Variants in FMO1 observed in about 807,000 individuals in gnomAD.
The protein encoded by FMO1 is flavin-containing monooxygenase 1.
A neutral mutation model predicts 45.4 loss-of-function variants in FMO1; 36 were observed. The observed-to-expected ratio is 0.79, with a 90% CI of 0.61 to 1.05. The LOEUF is 1.05. Ranked by LOEUF, FMO1 falls within the 50% of genes least tolerant of loss-of-function variation. FMO1 has a pLI of 0.00. For synonymous variants in FMO1, 228 were observed against 227.2 expected, an observed-to-expected ratio of 1.00 and a Z score of -0.03; for missense variants, 615 against 640.3, an observed-to-expected ratio of 0.96 and a Z score of 0.43.
intron 6 of FMO1, among the ~76,000 whole-genome samples, chr1:171,281,571 C>T (rs981968489): frequency 1.2e-4 from 19 of 152,192 alleles, no homozygotes; most frequent in African/African-American, 4.3e-4. Flanking sequence ...CCTTTAAATA[C>T]ATGCATGTTT....
intron 1 of FMO1, among the ~76,000 whole-genome samples, chr1:171,252,350 G>T (rs1659931523): frequency 3.3e-5 from 5 of 152,144 alleles, no homozygotes; most frequent in Admixed American, 3.3e-4. Flanking sequence ...CTGCCAGGGT[G>T]GGGGTTCAGA....
At chr1:171,271,552 T>C (rs1288128105) in intron 3 of FMO1, 1 of 823,570 alleles carries the variant, frequency 1.2e-6, no homozygotes, top group Non-Finnish European at 2.1e-6. Flanking sequence ...TATGATGACA[T>C]TTTGCCTCTT....
At chr1:171,262,781 G>A (rs939057811) in intron 2 of FMO1, among the ~76,000 whole-genome samples, 14 of 152,100 alleles carry the variant, frequency 9.2e-5, no homozygotes, top group African/African-American at 3.4e-4. Context: ...CTATCCTCAT[G>A]GAGCTTGCAT....
In FMO1 at chr1:171,278,860, C is replaced by T. The variant is rs775568390; in HGVS notation, c.616C>T (p.Leu206=). 3 of 1,610,830 alleles carry T rather than the reference C, an allele frequency of 1.9e-6. No individual in the cohort carries two copies. In the African/African-American group the frequency reaches 4.0e-5, roughly 22 times the overall value. ...GTDIAVEASH[L]AEKVFLSTTG... ...AGACATTGCTGTGGAGGCCAGCCAC[C>T]TGGCGGAAAAGGTACATTCCTGATG... The change falls in exon 5 of 9, where the codon CTG becomes TTG. Residue 206 remains leucine (L), a synonymous_variant. Transcript: ENST00000617670.
At chr1:171,261,169 T>A (rs1660363432) in intron 2 of FMO1, among the ~76,000 whole-genome samples, 1 of 152,148 alleles carries the variant, frequency 6.6e-6, no homozygotes, top group African/African-American at 2.4e-5. Flanking sequence ...GCAGCCTTTT[T>A]AGGCACCTCT....
chr1:171,274,335 A>T (rs1661008853), intron 3 of FMO1, among the ~76,000 whole-genome samples: 1 of 151,420 alleles, frequency 6.6e-6, no homozygotes. Flanking sequence ...ATCATGGCTC[A>T]CTGAAGCCTT....
chr1:171,257,861 T>G, intron 1 of FMO1: 2 of 512,574 alleles, frequency 3.9e-6, no homozygotes, highest in Non-Finnish European at 3.5e-6. Context: ...GTACGAACAT[T>G]TGGCACTGGT....
intron 3 of FMO1, among the ~76,000 whole-genome samples, chr1:171,271,967 A>C (rs1032654432): frequency 1.3e-5 from 2 of 152,230 alleles, no homozygotes; most frequent in African/African-American, 4.8e-5. Context: ...TAATTCCCAA[A>C]ACAATGGGGA....
intron 3 of FMO1, among the ~76,000 whole-genome samples, chr1:171,273,689 T>A (rs1006004680): frequency 1.3e-5 from 2 of 152,240 alleles, no homozygotes; most frequent in East Asian, 1.9e-4. Flanking sequence ...ATATTTTTTT[T>A]AATTTTTAGT....
chr1:171,283,122 G>T, intron 7 of FMO1, 22 bp from the exon 8 acceptor site: 3 of 1,319,546 alleles, frequency 2.3e-6, no homozygotes, highest in Non-Finnish European at 3.2e-6. Flanking sequence ...TTGCATTTGA[G>T]GTTTTTATTT....
At chr1:171,266,962 G>A (rs907394417) in intron 2 of FMO1, among the ~76,000 whole-genome samples, 1 of 152,228 alleles carries the variant, frequency 6.6e-6, no homozygotes, top group African/African-American at 2.4e-5. Flanking sequence ...GCCACACACA[G>A]TTGTCCAATC....
chr1:171,263,095 C>T (rs1287412373), intron 2 of FMO1, among the ~76,000 whole-genome samples: 12 of 152,126 alleles, frequency 7.9e-5, no homozygotes, highest in Non-Finnish European at 1.5e-5. Flanking sequence ...ACAAAATTTT[C>T]TTCCCATTGC....
chr1:171,260,416 C>T (rs1319213155), intron 2 of FMO1, among the ~76,000 whole-genome samples: 1 of 151,820 alleles, frequency 6.6e-6, no homozygotes. Flanking sequence ...ATTGTAGGTA[C>T]CAGTGGAAGG....
intron 2 of FMO1, among the ~76,000 whole-genome samples, chr1:171,260,356 A>G (rs1348465457): frequency 6.6e-6 from 1 of 152,204 alleles, no homozygotes; most frequent in Non-Finnish European, 1.5e-5. Context: ...ATAACTGAGC[A>G]CATAAATCCA....
At chr1:171,273,986 A>G (rs553844016) in intron 3 of FMO1, among the ~76,000 whole-genome samples, 3 of 152,212 alleles carry the variant, frequency 2.0e-5, no homozygotes, top group Non-Finnish European at 2.9e-5. Context: ...CATCTCTACT[A>G]AAAATACAAA....
intron 5 of FMO1, among the ~76,000 whole-genome samples, chr1:171,280,171 G>A (rs534421477): frequency 3.9e-5 from 6 of 152,288 alleles, no homozygotes; most frequent in African/African-American, 1.4e-4. Flanking sequence ...GTTTGGTGGG[G>A]GAAGAAACAA....
At chr1:171,268,903 TG>T (rs1207998291) in intron 3 of FMO1, among the ~76,000 whole-genome samples, 1 of 152,154 alleles carries the variant, frequency 6.6e-6, no homozygotes, top group African/African-American at 2.4e-5. Flanking sequence ...AATTGAACCA[TG>T]GGGGCAGGTC....
At position 171,258,078 on chromosome 1, in the gene FMO1, G is replaced by A. The variant is rs1434802123; in HGVS notation, c.-6-4G>A. The stretch of plus-strand genomic sequence containing the variant: ...AAAAAGCCTGCTTCATCTTCCTCAT[G>A]CAGGAGAACATGGCCAAGCGAGTTG... On this transcript the variant is annotated splice_region_variant and splice_polypyrimidine_tract_variant and intron_variant, in intron 1 of 8. Transcript: ENST00000617670. 5.0e-6 allele frequency: 8 copies of A among 1,613,918 alleles called. No individual in the cohort carries two copies. In the African/African-American group the frequency reaches 8.0e-5, roughly 16 times the overall value.
intron 2 of FMO1, among the ~76,000 whole-genome samples, chr1:171,265,423 A>C (rs551511687): frequency 5.3e-5 from 8 of 152,008 alleles, no homozygotes; most frequent in Non-Finnish European, 1.2e-4. Flanking sequence ...AAAAGAAAAA[A>C]AAAAAGAATG....
Sources: allele counts gnomAD v4.1 joint callset (sites outside exome capture counted in the v4.1 genomes callset), GRCh38; gene constraint gnomAD v4.1.1; transcripts MANE v1.5; gene names NCBI Gene and HGNC (gene_info 2026-07-23, HGNC 2026-07-21).